Variants in SELENOF observed in about 807,000 individuals in gnomAD.
SELENOF encodes 15 kDa selenoprotein.
In SELENOF, 16 loss-of-function variants were observed where a neutral mutation model predicts 20.5. That is an observed-to-expected ratio of 0.78 (90% CI 0.53 to 1.19). The LOEUF (loss-of-function observed/expected upper bound fraction) is 1.19. Ranked by LOEUF, SELENOF falls within the 50% of genes most tolerant of loss-of-function variation. The probability of loss-of-function intolerance (pLI) is 0.00; values close to 1 mark genes in which losing one functional copy is unlikely to be tolerated. For missense variants in SELENOF, 215 were observed against 194.2 expected, an observed-to-expected ratio of 1.11 and a Z score of -0.64; for synonymous variants, 78 against 74.5, an observed-to-expected ratio of 1.05 and a Z score of -0.24.
Position 86,880,710 on chromosome 1 carries a change from T to C in SELENOF, c.268A>G (p.Ile90Val), listed in dbSNP as rs777777499. 8 of 1,593,376 alleles carry C rather than the reference T, an allele frequency of 5.0e-6. No individual in the cohort carries two copies. Among genetic ancestry groups the C allele is most frequent in the Non-Finnish European group, 6.8e-6 (8 of 1,168,728 alleles). Reference protein sequence around the residue: ...FETKKLYAGAILEVCGUKLGR... With the variant: ...FETKKLYAGAVLEVCGUKLGR... ...AATTTTCATCCACAAACTTCAAGAA[T>C]AGCTCCTGCATACAGCTACAAAAGG... The change falls in exon 3 of 5, where the codon ATT (isoleucine) becomes GTT (valine). Residue 90 changes from isoleucine to valine, a missense_variant. Ile to Val is a conservative substitution (Grantham distance 29). Transcript: ENST00000331835.
chr1:86,879,398 C>T (rs1659004374), intron 3 of SELENOF, among the ~76,000 whole-genome samples: 1 of 152,126 alleles, frequency 6.6e-6, no homozygotes, highest in Non-Finnish European at 1.5e-5. Flanking sequence ...CTAACAAAGA[C>T]TGTTTTTGAT....
chr1:86,913,620 C>T (rs1439002592), intron 1 of SELENOF, among the ~76,000 whole-genome samples: 4 of 152,178 alleles, frequency 2.6e-5, no homozygotes, highest in Non-Finnish European at 5.9e-5. Flanking sequence ...TAAACACAAA[C>T]TGTTCGCCTG....
At chr1:86,888,702 T>C (rs1004218932) in intron 2 of SELENOF, among the ~76,000 whole-genome samples, 4 of 152,248 alleles carry the variant, frequency 2.6e-5, no homozygotes, top group African/African-American at 9.6e-5. Context: ...TCGCTCCCAT[T>C]GCGCAAGCTA....
At chr1:86,874,290 GA>G (rs1006855961) in intron 3 of SELENOF, among the ~76,000 whole-genome samples, 15 of 152,080 alleles carry the variant, frequency 9.9e-5, no homozygotes, top group African/African-American at 2.9e-4. Context: ...GATTTCTAAA[GA>G]AAATCCAATC....
intron 2 of SELENOF, among the ~76,000 whole-genome samples, chr1:86,884,889 C>T (rs562586050): frequency 3.3e-5 from 5 of 152,116 alleles, no homozygotes; most frequent in Admixed American, 6.5e-5. Context: ...GAGAACGATA[C>T]ACAAACTGCA....
chr1:86,900,469 T>C (rs1347819258), intron 2 of SELENOF, among the ~76,000 whole-genome samples: 1 of 152,106 alleles, frequency 6.6e-6, no homozygotes, highest in Non-Finnish European at 1.5e-5. Context: ...GCGCCTGCAA[T>C]CGCAGGCACT....
chr1:86,872,918 G>A (rs897579713), intron 3 of SELENOF, among the ~76,000 whole-genome samples: 1 of 152,112 alleles, frequency 6.6e-6, no homozygotes, highest in Non-Finnish European at 1.5e-5. Context: ...GCAGGCGCCT[G>A]TAGCGCGGCT....
intron 3 of SELENOF, among the ~76,000 whole-genome samples, chr1:86,869,020 TATA>T (rs1658683890): frequency 6.6e-6 from 1 of 152,138 alleles, no homozygotes; most frequent in Non-Finnish European, 1.5e-5. Context: ...CAACTTCACA[TATA>T]ATTGAAGAAA....
At chr1:86,869,159 T>C (rs1658688333) in intron 3 of SELENOF, among the ~76,000 whole-genome samples, 1 of 152,182 alleles carries the variant, frequency 6.6e-6, no homozygotes, top group Admixed American at 6.5e-5. Flanking sequence ...AATAGGCACA[T>C]CCTTCCTGAA....
chr1:86,905,528 GCA>G (rs1476955901), intron 1 of SELENOF, among the ~76,000 whole-genome samples: 1 of 152,042 alleles, frequency 6.6e-6, no homozygotes, highest in Non-Finnish European at 1.5e-5. Flanking sequence ...AGAAACTTGT[GCA>G]CAGTTGTAAA....
At chr1:86,887,275 C>G in intron 2 of SELENOF, 1 of 1,442,314 alleles carries the variant, frequency 6.9e-7, no homozygotes, top group Non-Finnish European at 9.2e-7. Context: ...AATACTATAT[C>G]TGAGATTAAA....
intron 3 of SELENOF, among the ~76,000 whole-genome samples, chr1:86,870,919 A>G (rs1376019005): frequency 6.6e-6 from 1 of 150,900 alleles, no homozygotes; most frequent in African/African-American, 2.5e-5. Flanking sequence ...GTGCCCGGCC[A>G]GTAAAAAGAT....
At chr1:86,895,369 T>C (rs1005380172) in intron 2 of SELENOF, among the ~76,000 whole-genome samples, 7 of 152,240 alleles carry the variant, frequency 4.6e-5, no homozygotes, top group Non-Finnish European at 1.0e-4. Flanking sequence ...AGATTACTAC[T>C]ACTACTATTA....
At position 86,912,744 on chromosome 1, in the gene SELENOF, C is replaced by A. The variant is rs143668860; in HGVS notation, c.84+1284G>T. 1.5e-3 allele frequency among the ~76,000 whole-genome samples: 231 copies of A among 152,256 alleles called. 1 individual carries two copies. In the Middle Eastern group the frequency reaches 0.024, roughly 16 times the overall value. ...CCTGGAACCTTTCGGTTTAGCTGAC[C>A]TACTAGGTCAACAAAAAGCATAAAT... On this transcript the variant is annotated intron_variant, in intron 1 of 4. Transcript: ENST00000331835.
intron 2 of SELENOF, among the ~76,000 whole-genome samples, chr1:86,884,769 A>G (rs1461641561): frequency 6.6e-6 from 1 of 152,252 alleles, no homozygotes; most frequent in Non-Finnish European, 1.5e-5. Context: ...GCAAGTTGGT[A>G]GGCCTTTTTA....
Position 86,880,735 on chromosome 1 carries a change from G to GA in SELENOF, c.253-11dup, listed in dbSNP as rs761739772. On this transcript the variant is annotated splice_polypyrimidine_tract_variant and intron_variant, in intron 2 of 4. Transcript: ENST00000331835. ...TAGCTCCTGCATACAGCTACAAAAGGAAAAACAGGAATTTAAAAAACTGGT... is the reference window on the plus strand; with the variant it reads ...TAGCTCCTGCATACAGCTACAAAAGGAAAAAACAGGAATTTAAAAAACTGGT... The GA allele has an allele frequency of 2.6e-6, 4 of 1,521,978 alleles. No homozygotes were observed. The South Asian group carries it at 5.2e-5, about 20-fold the overall frequency. The allele number at this position is 1,521,978 out of a possible 1,614,324, so 94.3% of individuals were successfully genotyped here.
intron 4 of SELENOF, among the ~76,000 whole-genome samples, chr1:86,866,918 A>C (rs1020414318): frequency 6.6e-6 from 1 of 152,210 alleles, no homozygotes; most frequent in African/African-American, 2.4e-5. Flanking sequence ...AAAGTTAAAC[A>C]ATCTTAACTG....
chr1:86,899,074 CAT>C (rs1192182679), intron 2 of SELENOF, among the ~76,000 whole-genome samples: 11 of 151,838 alleles, frequency 7.2e-5, no homozygotes, highest in African/African-American at 2.7e-4. Flanking sequence ...GGACACAGCA[CAT>C]GTTTCAGAGA....
intron 2 of SELENOF, among the ~76,000 whole-genome samples, chr1:86,893,229 GGTAAT>G (rs1327780953): frequency 1.3e-5 from 2 of 152,116 alleles, no homozygotes; most frequent in Admixed American, 6.5e-5. Context: ...ACTAATGTAA[GGTAAT>G]GTAATTATGA....
Sources: gnomAD v4.1 joint callset for allele counts (sites outside exome capture counted in the v4.1 genomes callset) on GRCh38, gnomAD v4.1.1 for gene constraint, MANE v1.5 for transcripts, NCBI Gene and HGNC (gene_info 2026-07-23, HGNC 2026-07-21) for gene names.